Variants in MAP2 observed in about 807,000 individuals in gnomAD.
The protein encoded by MAP2 is microtubule associated protein 2.
A neutral mutation model predicts 137.6 loss-of-function variants in MAP2; 14 were observed. That is an observed-to-expected ratio of 0.10 (90% CI 0.07 to 0.16). The LOEUF (loss-of-function observed/expected upper bound fraction) is 0.16, where lower values mean the gene tolerates loss of function less well. MAP2 is among the 10% of genes least tolerant of loss of function. The pLI is 1.00. For missense variants in MAP2, 2,088 were observed against 2,191.5 expected (o/e 0.95, Z 0.94); for synonymous variants, 786 against 782.3 (o/e 1.00, Z -0.08).
At chr2:209,558,969 A>G (rs979161496) in intron 2 of MAP2, among the ~76,000 whole-genome samples, 2 of 152,128 alleles carry the variant, frequency 1.3e-5, no homozygotes, top group Non-Finnish European at 2.9e-5. Context: ...TCTGTAATGA[A>G]GAAGGAATCT....
chr2:209,588,827 T>C (rs1315348024), intron 3 of MAP2, among the ~76,000 whole-genome samples: 2 of 151,882 alleles, frequency 1.3e-5, no homozygotes, highest in African/African-American at 4.8e-5. Flanking sequence ...CTTTAAATAG[T>C]GGGAGCAGAA....
intron 1 of MAP2, among the ~76,000 whole-genome samples, chr2:209,497,494 T>C (rs1052401424): frequency 3.3e-5 from 5 of 152,188 alleles, no homozygotes; most frequent in South Asian, 2.1e-4. Context: ...TATGTTAGAC[T>C]ATATTAGGCC....
intron 2 of MAP2, among the ~76,000 whole-genome samples, chr2:209,510,524 T>C (rs1432793390): frequency 2.0e-5 from 3 of 152,102 alleles, no homozygotes; most frequent in African/African-American, 7.2e-5. Flanking sequence ...ACGTGTACAT[T>C]ATGTTCCCCA....
intron 2 of MAP2, among the ~76,000 whole-genome samples, chr2:209,563,374 A>AT (rs1288229396): frequency 1.3e-5 from 2 of 149,612 alleles, no homozygotes; most frequent in Non-Finnish European, 2.9e-5. Context: ...AAAAAATGCA[A>AT]TTACTTTTGC....
At chr2:209,425,340 T>A (rs1559145684) in intron 1 of MAP2, among the ~76,000 whole-genome samples, 1 of 152,208 alleles carries the variant, frequency 6.6e-6, no homozygotes, top group East Asian at 1.9e-4. Context: ...TTTGTTTAAA[T>A]GCCTAAACAC....
intron 3 of MAP2, among the ~76,000 whole-genome samples, chr2:209,599,992 C>G (rs968572401): frequency 6.6e-6 from 1 of 152,154 alleles, no homozygotes. Context: ...CCCTTCTTAA[C>G]AAACAAGGTA....
Position 209,699,353 on chromosome 2 carries a change from T to C in MAP2, c.4523-924T>C, listed in dbSNP as rs184308584. Among the ~76,000 whole-genome samples the C allele has an allele frequency of 4.7e-3, 721 of 152,212 alleles. 3 individuals carry two copies. Among genetic ancestry groups the C allele is most frequent in the Non-Finnish European group, 8.0e-3 (541 of 67,988 alleles). The stretch of plus-strand genomic sequence containing the variant: ...AGGGCTTATAAGGATACATTTTTTT[T>C]CTGAGGGTTTCTATTTTATGAATGA... On this transcript the variant is annotated intron_variant, in intron 10 of 15. Coordinates refer to ENST00000682079, the MANE Select transcript of MAP2 (RefSeq NM_001375505.1).
chr2:209,430,190 T>C (rs1270186334), intron 1 of MAP2, among the ~76,000 whole-genome samples: 1 of 150,250 alleles, frequency 6.7e-6, no homozygotes, highest in Non-Finnish European at 1.5e-5. Flanking sequence ...AGGAAAATAT[T>C]TGATTCTTTA....
intron 3 of MAP2, among the ~76,000 whole-genome samples, chr2:209,596,530 A>G (rs1313483537): frequency 7.2e-5 from 11 of 152,220 alleles, no homozygotes; most frequent in Admixed American, 5.2e-4. Flanking sequence ...TCAAGGCCTT[A>G]TGCAAAGGAA....
At chr2:209,443,894 G>A (rs1698418339) in intron 1 of MAP2, among the ~76,000 whole-genome samples, 1 of 151,568 alleles carries the variant, frequency 6.6e-6, no homozygotes, top group African/African-American at 2.4e-5. Context: ...TACCAGAGGA[G>A]GCTACCATGG....
At chr2:209,482,965 A>G (rs1000440310) in intron 1 of MAP2, among the ~76,000 whole-genome samples, 7 of 152,168 alleles carry the variant, frequency 4.6e-5, no homozygotes, top group East Asian at 3.9e-4. Flanking sequence ...CAGCTGTCCT[A>G]TTGATTAGGG....
chr2:209,557,383 A>G (rs1451056889), intron 2 of MAP2, among the ~76,000 whole-genome samples: 6 of 152,192 alleles, frequency 3.9e-5, no homozygotes, highest in Non-Finnish European at 8.8e-5. Flanking sequence ...ATTCTTCAAG[A>G]ATGGTATGGA....
At chr2:209,657,491 C>T (rs1437913260) in intron 5 of MAP2, among the ~76,000 whole-genome samples, 1 of 152,084 alleles carries the variant, frequency 6.6e-6, no homozygotes, top group Non-Finnish European at 1.5e-5. Context: ...AAGATGATAT[C>T]TCATTGTGGT....
intron 1 of MAP2, among the ~76,000 whole-genome samples, chr2:209,477,228 A>T (rs1443362372): frequency 6.6e-6 from 1 of 152,216 alleles, no homozygotes; most frequent in Admixed American, 6.6e-5. Flanking sequence ...TATACAAAAA[A>T]TTAACGATGG....
intron 4 of MAP2, among the ~76,000 whole-genome samples, chr2:209,628,221 C>T (rs982694224): frequency 6.6e-6 from 1 of 152,180 alleles, no homozygotes; most frequent in African/African-American, 2.4e-5. Flanking sequence ...AAAAATTAGC[C>T]GGGCATGGTG....
rs555929685 is a variant in MAP2, at chr2:209,686,879, C to T, written c.455-5746C>T. On this transcript the variant is annotated intron_variant, in intron 7 of 15. Coordinates refer to ENST00000682079, the MANE Select transcript of MAP2 (RefSeq NM_001375505.1). ...AATAAAGTCTTGATGAATCTGCAGCCGACTCTGCAGAAATTTTTAGCTAAT... is the reference window on the plus strand; with the variant it reads ...AATAAAGTCTTGATGAATCTGCAGCTGACTCTGCAGAAATTTTTAGCTAAT... Among the ~76,000 whole-genome samples the T allele has an allele frequency of 1.9e-4, 29 of 152,162 alleles. No individual in the cohort carries two copies. The South Asian group carries it at 3.3e-3, about 17-fold the overall frequency.
chr2:209,577,014 C>T lies in MAP2; in HGVS notation c.-171-3022C>T, dbSNP rs147810008. ...AGCTGTGCTATTTTTTTAGACTGACCAGGACCCTGTTATGTGCTTTCATGA... is the reference window on the plus strand; with the variant it reads ...AGCTGTGCTATTTTTTTAGACTGACTAGGACCCTGTTATGTGCTTTCATGA... On this transcript the variant is annotated intron_variant, in intron 2 of 15. Transcript: ENST00000682079. 1.1e-4 allele frequency among the ~76,000 whole-genome samples: 16 copies of T among 152,100 alleles called. No individual in the cohort carries two copies. In the East Asian group the frequency reaches 3.1e-3, roughly 29 times the overall value.
intron 2 of MAP2, among the ~76,000 whole-genome samples, chr2:209,544,429 A>G (rs2067644418): frequency 6.6e-6 from 1 of 152,182 alleles, no homozygotes; most frequent in Non-Finnish European, 1.5e-5. Flanking sequence ...CTATCTATCT[A>G]TGATATAATT....
At chr2:209,541,721 G>A (rs148770569) in intron 2 of MAP2, among the ~76,000 whole-genome samples, 37 of 152,260 alleles carry the variant, frequency 2.4e-4, no homozygotes, top group Non-Finnish European at 3.5e-4. Flanking sequence ...TTCATAAGGC[G>A]CAACTCTTTT....
Sources: allele counts gnomAD v4.1 joint callset (sites outside exome capture counted in the v4.1 genomes callset), GRCh38; gene constraint gnomAD v4.1.1; transcripts MANE v1.5; gene names NCBI Gene and HGNC (gene_info 2026-07-23, HGNC 2026-07-21).